The following HMGB2 variants were observed in gnomAD, a reference collection of about 807,000 sequenced individuals.
The protein encoded by HMGB2 is high mobility group protein B2.
Under a neutral mutation model 23.0 loss-of-function variants are expected in HMGB2, and 2 were observed. That is an observed-to-expected ratio of 0.09 (90% CI 0.04 to 0.27). The LOEUF (loss-of-function observed/expected upper bound fraction) is 0.27. Among genes scored for constraint, HMGB2 ranks in the 10% least tolerant of loss-of-function variants. The pLI, the probability that HMGB2 is intolerant of heterozygous loss-of-function variation, is 1.00. For synonymous variants in HMGB2, 99 were observed against 87.5 expected (o/e 1.13, Z -0.73); for missense variants, 178 against 256.5 (o/e 0.69, Z 2.09).
At chr4:173,332,562 A>T (rs1270691462) in intron 4 of HMGB2, 7 of 483,028 alleles carry the variant, frequency 1.4e-5, no homozygotes, top group East Asian at 6.6e-5. Context: ...TTAAAAAAAA[A>T]AATAACAGAC....
chr4:173,332,985 A>G lies in HMGB2; in HGVS notation c.307T>C (p.Phe103Leu). The change falls in exon 4 of 5, where the codon TTC becomes CTC. Residue 103 changes from phenylalanine to leucine, a missense_variant. Phe to Leu is a conservative substitution (Grantham distance 22). Coordinates refer to ENST00000296503, the MANE Select transcript of HMGB2 (RefSeq NM_002129.4). ...GGGCGATGTTCAGAGCAAAACAGGA[A>G]GAAGGCAGATCTGAAAGGAAGCAAC... ...NAPKRPPSAFFLFCSEHRPKI... is the reference protein window; with the variant it reads ...NAPKRPPSAFLLFCSEHRPKI... The G allele has an allele frequency of 1.2e-6, 2 of 1,614,122 alleles. No individual in the cohort carries two copies. The highest frequency in any genetic ancestry group is 2.2e-5 in the South Asian group (2 of 91,072).
rs1440081626 is a variant in HMGB2 at position 173,333,385 on chromosome 4, G to A, written c.150+115C>T. The A allele has an allele frequency of 8.5e-6, 12 of 1,406,108 alleles. No homozygotes were observed. The highest frequency in any genetic ancestry group is 1.2e-5 in the Non-Finnish European group (12 of 1,032,560). 87.1% of individuals were successfully genotyped at this position (1,406,108 alleles called of 1,614,324 possible). A position where few individuals can be genotyped will look rare whatever the true frequency, so the allele number is the denominator to read the frequency against. On this transcript the variant is annotated intron_variant, in intron 2 of 4. Coordinates refer to ENST00000296503, the MANE Select transcript of HMGB2 (RefSeq NM_002129.4). The surrounding 1 kb of genome is among the most constrained non-coding windows in gnomAD (Gnocchi z 4.6). The stretch of plus-strand genomic sequence containing the variant: ...TGCCTGGAACTCTTAAGATATTCAG[G>A]TGAGTCACTGGGGTGGCAAAGTTGA...
Position 173,333,104 on chromosome 4 carries a change from C to T in HMGB2, c.261G>A (p.Gly87=). 1 of 1,613,914 alleles carries T rather than the reference C, an allele frequency of 6.2e-7. No individual in the cohort carries two copies. The highest frequency in any genetic ancestry group is 1.1e-5 in the South Asian group (1 of 91,052). Reference sequence around the variant, plus strand: ...TAGGAGCATTGGGGTCCTTTTTCTTCCCCTTCTTATCACCTTTGGGAGGAA... The same window carrying T: ...TAGGAGCATTGGGGTCCTTTTTCTTTCCCTTCTTATCACCTTTGGGAGGAA... ...NYVPPKGDKK[G]KKKDPNAPKR... The change falls in exon 3 of 5, where the codon GGG becomes GGA. Residue 87 remains glycine, a synonymous_variant. Coordinates refer to ENST00000296503, the MANE Select transcript of HMGB2 (RefSeq NM_002129.4). The surrounding 1 kb of genome is among the most constrained non-coding windows in gnomAD (Gnocchi z 4.6).
In HMGB2 at chr4:173,333,406, G is replaced by T; in HGVS notation, c.150+94C>A. 1 of 1,485,410 alleles carries T rather than the reference G, an allele frequency of 6.7e-7. No individual in the cohort carries two copies. The highest frequency in any genetic ancestry group is 9.1e-7 in the Non-Finnish European group (1 of 1,098,926). 92.0% of individuals were successfully genotyped at this position (1,485,410 alleles called of 1,614,324 possible). Reference sequence around the variant, plus strand: ...TCAGGTGAGTCACTGGGGTGGCAAAGTTGAAGCTCATGAGTTGCCTACTAC... The same window carrying T: ...TCAGGTGAGTCACTGGGGTGGCAAATTTGAAGCTCATGAGTTGCCTACTAC... On this transcript the variant is annotated intron_variant, in intron 2 of 4. Transcript: ENST00000296503. The surrounding 1 kb of genome is among the most constrained non-coding windows in gnomAD (Gnocchi z 4.6).
At position 173,331,821 on chromosome 4, in the gene HMGB2, A is replaced by C. The variant is rs1211993325; in HGVS notation, c.*259T>G. 2.6e-6 allele frequency: 1 copy of C among 388,376 alleles called. No homozygotes were observed. The highest frequency in any genetic ancestry group is 4.6e-6 in the Non-Finnish European group (1 of 219,030). 24.1% of individuals were successfully genotyped at this position (388,376 alleles called of 1,614,324 possible). On this transcript the variant is annotated 3_prime_UTR_variant, in exon 5 of 5. Transcript: ENST00000296503. ...GTTTGCTGTGCTACCATACACAAGA[A>C]ATTAAAAAAACCATTAAATATTTAG...
chr4:173,332,398 A>T, intron 4 of HMGB2, 160 bp from the exon 5 acceptor site: 2 of 590,126 alleles, frequency 3.4e-6, no homozygotes, highest in South Asian at 4.5e-5. Flanking sequence ...CTAGGCTTTA[A>T]CAAGTTAATG....
At position 173,333,449 on chromosome 4, in the gene HMGB2, A is replaced by G. The variant is rs754829156; in HGVS notation, c.150+51T>C. ...CCTACTACCTGCCTAAGGCCCTCCT[A>G]GCCGAAAACCACACCTGCACCCCCT... On this transcript the variant is annotated intron_variant, in intron 2 of 4. Coordinates refer to ENST00000296503, the MANE Select transcript of HMGB2 (RefSeq NM_002129.4). This position sits in a 1 kb window ranked among gnomAD's most constrained non-coding sequence, Gnocchi z 4.6. The G allele has an allele frequency of 1.9e-6, 3 of 1,579,880 alleles. No homozygotes were observed. The highest frequency in any genetic ancestry group is 4.5e-5 in the East Asian group (2 of 44,594).
In HMGB2 at chr4:173,333,371, C is replaced by T; in HGVS notation, c.150+129G>A. On this transcript the variant is annotated intron_variant, in intron 2 of 4. Transcript: ENST00000296503. This position sits in a 1 kb window ranked among gnomAD's most constrained non-coding sequence, Gnocchi z 4.6. ...AACCTAAAATCGTCTGCCTGGAACT[C>T]TTAAGATATTCAGGTGAGTCACTGG... 7.2e-7 allele frequency: 1 copy of T among 1,384,336 alleles called. No individual in the cohort carries two copies. Among genetic ancestry groups the T allele is most frequent in the Non-Finnish European group, 9.8e-7 (1 of 1,015,740 alleles). The allele number at this position is 1,384,336 out of a possible 1,614,324, so 85.8% of individuals were successfully genotyped here.
In HMGB2 at chr4:173,332,270, G is replaced by A. The variant is rs1281121181; in HGVS notation, c.472-32C>T. ...TATTGTCAAAAAAATAAAGCATCCG[G>A]TATCATTACTCAACTGTGAAAAACC... On this transcript the variant is annotated intron_variant, in intron 4 of 4. Transcript: ENST00000296503. 9.3e-6 allele frequency: 14 copies of A among 1,503,836 alleles called. No individual in the cohort carries two copies. The South Asian group carries it at 1.7e-4, about 18-fold the overall frequency. 93.2% of individuals were successfully genotyped at this position (1,503,836 alleles called of 1,614,324 possible).
At chr4:173,332,768 G>A (rs1345461088) in intron 4 of HMGB2, 53 bp downstream of exon 4, 2 of 1,499,770 alleles carry the variant, frequency 1.3e-6, no homozygotes, top group Non-Finnish European at 1.8e-6. Flanking sequence ...GTTTTCTACA[G>A]TTATTACCTA....
intron 4 of HMGB2, 160 bp downstream of exon 4, chr4:173,332,661 A>G (rs1027905856): frequency 3.0e-6 from 2 of 661,878 alleles, no homozygotes; most frequent in Admixed American, 2.6e-5. Context: ...GTCAAAAGGA[A>G]GGTTTCAATT....
rs556799048 is a variant in HMGB2 at position 173,333,917 on chromosome 4, G to A, written c.-20-248C>T. 1.3e-5 allele frequency: 3 copies of A among 233,196 alleles called. No individual in the cohort carries two copies. Among genetic ancestry groups the A allele is most frequent in the South Asian group, 1.7e-4 (1 of 5,858 alleles). 14.4% of individuals were successfully genotyped at this position (233,196 alleles called of 1,614,324 possible). A position where few individuals can be genotyped will look rare whatever the true frequency, so the allele number is the denominator to read the frequency against. ...CGGCTCAGCCCAGCAAGTGGCTCCC[G>A]GGGCCCGAGACGCCGCCGCCCGCCC... On this transcript the variant is annotated intron_variant, in intron 1 of 4. Coordinates refer to ENST00000296503, the MANE Select transcript of HMGB2 (RefSeq NM_002129.4). The surrounding 1 kb of genome is among the most constrained non-coding windows in gnomAD (Gnocchi z 4.6).
intron 4 of HMGB2, chr4:173,332,581 C>T (rs890847231): frequency 1.8e-5 from 9 of 492,618 alleles, no homozygotes; most frequent in South Asian, 2.7e-5. Context: ...ACTATACAGA[C>T]TATACAATAA....
In HMGB2 at chr4:173,333,751, C is replaced by A; in HGVS notation, c.-20-82G>T. ...TGCCAGGGCGGGCGCTGGCGGGGCTCCGCTTCCCGCCCAAATCCGCTCCCG... is the reference window on the plus strand; with the variant it reads ...TGCCAGGGCGGGCGCTGGCGGGGCTACGCTTCCCGCCCAAATCCGCTCCCG... On this transcript the variant is annotated intron_variant, in intron 1 of 4. Transcript: ENST00000296503. The surrounding 1 kb of genome is among the most constrained non-coding windows in gnomAD (Gnocchi z 4.6). The A allele has an allele frequency of 8.8e-7, 1 of 1,136,656 alleles. No homozygotes were observed. Among genetic ancestry groups the A allele is most frequent in the Non-Finnish European group, 1.2e-6 (1 of 826,124 alleles). 70.4% of individuals were successfully genotyped at this position (1,136,656 alleles called of 1,614,324 possible).
In HMGB2 at chr4:173,331,387, T is replaced by TATATAC. The variant is rs1553961355; in HGVS notation, c.*692_*693insGTATAT. 4.3e-5 allele frequency among the ~76,000 whole-genome samples: 6 copies of TATATAC among 140,526 alleles called. No homozygotes were observed. The highest frequency in any genetic ancestry group is 2.1e-4 in the South Asian group (1 of 4,710). The allele number at this position is 140,526 out of a possible 152,430, so 92.2% of individuals were successfully genotyped here. A position where few individuals can be genotyped will look rare whatever the true frequency, so the allele number is the denominator to read the frequency against. On this transcript the variant is annotated 3_prime_UTR_variant, in exon 5 of 5. Coordinates refer to ENST00000296503, the MANE Select transcript of HMGB2 (RefSeq NM_002129.4). ...GTGTATATATATACATATATATATA[T>TATATAC]ATATATATGTATATATATATACACA...
At position 173,334,282 on chromosome 4, in the gene HMGB2, C is replaced by T. The variant is rs958406997; in HGVS notation, c.-31G>A. 15 of 152,404 alleles carry T rather than the reference C, an allele frequency of 9.8e-5. No individual in the cohort carries two copies. The highest frequency in any genetic ancestry group is 1.9e-4 in the Non-Finnish European group (13 of 68,210). 9.4% of individuals were successfully genotyped at this position (152,404 alleles called of 1,614,324 possible). A position where few individuals can be genotyped will look rare whatever the true frequency, so the allele number is the denominator to read the frequency against. On this transcript the variant is annotated 5_prime_UTR_variant, in exon 1 of 5. Transcript: ENST00000296503. ...GGAGGGTATTCTTGCCTGGTGCGAG[C>T]TTTTCCTCAGAGTCCCGCAGAGCGG...
chr4:173,332,071 G>T lies in HMGB2; in HGVS notation c.*9C>A. The T allele has an allele frequency of 6.2e-7, 1 of 1,613,686 alleles. No homozygotes were observed. Among genetic ancestry groups the T allele is most frequent in the Non-Finnish European group, 8.5e-7 (1 of 1,179,840 alleles). On this transcript the variant is annotated 3_prime_UTR_variant, in exon 5 of 5. Transcript: ENST00000296503. ...ACACATTCCACACGCATCATTAAAG[G>T]ATAGCCATTTATTCTTCATCTTCAT...
Position 173,332,232 on chromosome 4 carries a change from CAATATCCTGA to C in HMGB2, c.472-4_477del. On this transcript the variant is annotated splice_acceptor_variant and splice_polypyrimidine_tract_variant and coding_sequence_variant and intron_variant, in exon 5 of 5. Transcript: ENST00000296503. LOFTEE classifies it high-confidence loss of function. The stretch of plus-strand genomic sequence containing the variant: ...CTTTTGCCCTTGGCACGATATGCAG[CAATATCCTGA>C]AATATTGTCAAAAAAATAAAGCATC... 1 of 1,577,090 alleles carries C rather than the reference CAATATCCTGA, an allele frequency of 6.3e-7. No homozygotes were observed. Among genetic ancestry groups the C allele is most frequent in the Non-Finnish European group, 8.6e-7 (1 of 1,164,126 alleles).
At position 173,333,933 on chromosome 4, in the gene HMGB2, C is replaced by A; in HGVS notation, c.-20-264G>T. On this transcript the variant is annotated intron_variant, in intron 1 of 4. Transcript: ENST00000296503. The surrounding 1 kb of genome is among the most constrained non-coding windows in gnomAD (Gnocchi z 4.6). Reference sequence around the variant, plus strand: ...GTGGCTCCCGGGGCCCGAGACGCCGCCGCCCGCCCTTCACCGAGTCCGGTG... The same window carrying A: ...GTGGCTCCCGGGGCCCGAGACGCCGACGCCCGCCCTTCACCGAGTCCGGTG... The A allele has an allele frequency of 4.6e-6, 1 of 216,992 alleles. No individual in the cohort carries two copies. Among genetic ancestry groups the A allele is most frequent in the South Asian group, 1.8e-4 (1 of 5,578 alleles). 13.4% of individuals were successfully genotyped at this position (216,992 alleles called of 1,614,324 possible).
Sources: allele counts gnomAD v4.1 joint callset (sites outside exome capture counted in the v4.1 genomes callset), GRCh38; gene constraint gnomAD v4.1.1; non-coding constraint Gnocchi (gnomAD v3.1); transcripts MANE v1.5; gene names NCBI Gene and HGNC (gene_info 2026-07-23, HGNC 2026-07-21).